The following PPFIA1 variants were observed in gnomAD, a reference collection of about 807,000 sequenced individuals.
The protein encoded by PPFIA1 is liprin-alpha-1.
In PPFIA1, 25 loss-of-function variants were observed where a neutral mutation model predicts 149.9. That is an observed-to-expected ratio of 0.17 (90% confidence interval 0.12 to 0.23). The LOEUF (loss-of-function observed/expected upper bound fraction) is 0.23, where lower values mean the gene tolerates loss of function less well. PPFIA1 is among the 10% of genes least tolerant of loss of function. PPFIA1 has a pLI of 1.00. For synonymous variants in PPFIA1, 549 were observed against 552.8 expected (o/e 0.99, Z 0.10); for missense variants, 1,362 against 1,506.5 (o/e 0.90, Z 1.59).
chr11:70,339,458 G>C (rs1591272225), intron 14 of PPFIA1, 152 bp downstream of exon 14: 1 of 1,030,674 alleles, frequency 9.7e-7, no homozygotes, highest in East Asian at 2.6e-5. Flanking sequence ...TTAGCTTTTA[G>C]AGCATTTTTT....
intron 2 of PPFIA1, among the ~76,000 whole-genome samples, chr11:70,312,550 A>C (rs1255708151): frequency 1.3e-5 from 2 of 152,308 alleles, no homozygotes; most frequent in East Asian, 3.9e-4. Context: ...GTGTTGATTC[A>C]GCAAGGTGAG....
At chr11:70,315,678 GTTTTTTTTTTTTTTT>G (rs71049904) in intron 2 of PPFIA1, among the ~76,000 whole-genome samples, 5 of 73,016 alleles carry the variant, frequency 6.8e-5, no homozygotes, top group South Asian at 1.2e-3. Context: ...CTTTTTTTCT[GTTTTTTTTTTTTTTT>G]TTTTTTTTTT....
chr11:70,278,350 A>C (rs2050544374), intron 2 of PPFIA1, among the ~76,000 whole-genome samples: 1 of 152,088 alleles, frequency 6.6e-6, no homozygotes, highest in African/African-American at 2.4e-5. Flanking sequence ...TTCAGTTTTG[A>C]AGGATGATTT....
chr11:70,359,995 T>C (rs2056554599), intron 19 of PPFIA1, among the ~76,000 whole-genome samples: 1 of 152,142 alleles, frequency 6.6e-6, no homozygotes, highest in Non-Finnish European at 1.5e-5. Context: ...CCACCTGGAG[T>C]GCCAGCCCAG....
At chr11:70,380,249 G>A (rs1040763344) in intron 26 of PPFIA1, among the ~76,000 whole-genome samples, 1 of 149,090 alleles carries the variant, frequency 6.7e-6, no homozygotes, top group African/African-American at 2.5e-5. Flanking sequence ...TGGCCAACGT[G>A]GTGAAACCCT....
intron 7 of PPFIA1, 74 bp downstream of exon 7, chr11:70,326,892 T>C (rs2054328403): frequency 1.7e-6 from 2 of 1,189,836 alleles, no homozygotes; most frequent in African/African-American, 1.5e-5. Flanking sequence ...TGATTTTTTT[T>C]CTCTGTTTGT....
chr11:70,365,466 C>G (rs1293670453), intron 21 of PPFIA1: 1 of 456,620 alleles, frequency 2.2e-6, no homozygotes, highest in East Asian at 6.9e-5. Flanking sequence ...TGCACTCCTC[C>G]CAGCGCGTTT....
At chr11:70,354,503 T>C in intron 17 of PPFIA1, 51 bp downstream of exon 17, 1 of 1,536,320 alleles carries the variant, frequency 6.5e-7, no homozygotes, top group Non-Finnish European at 8.8e-7. Flanking sequence ...TTTTCGTTTC[T>C]GGTGTTGAGA....
At chr11:70,314,396 T>C (rs2053470143) in intron 2 of PPFIA1, among the ~76,000 whole-genome samples, 1 of 152,210 alleles carries the variant, frequency 6.6e-6, no homozygotes, top group South Asian at 2.1e-4. Context: ...TACGTGTCCA[T>C]GTGGACACCG....
At chr11:70,332,229 T>C in intron 9 of PPFIA1, 135 bp downstream of exon 9, 1 of 1,106,072 alleles carries the variant, frequency 9.0e-7, no homozygotes, top group Non-Finnish European at 1.2e-6. Flanking sequence ...TTGAGTGCTC[T>C]TTCATCTGAG....
chr11:70,378,778 CAGAG>C (rs2057589440), intron 26 of PPFIA1, among the ~76,000 whole-genome samples: 1 of 152,202 alleles, frequency 6.6e-6, no homozygotes, highest in Non-Finnish European at 1.5e-5. Context: ...CTATACCAGC[CAGAG>C]AGAGAGCATC....
chr11:70,272,858 GA>G lies in PPFIA1; in HGVS notation c.264+432del, dbSNP rs538868998. On this transcript the variant is annotated intron_variant, in intron 2 of 27. Coordinates refer to ENST00000253925, the MANE Select transcript of PPFIA1 (RefSeq NM_003626.5). ...ATAGACAAATAGGATTGATTTCACG[GA>G]AAAAAAAAATTATTTTGATAGCCCA... Among the ~76,000 whole-genome samples the G allele has an allele frequency of 8.8e-3, 1,326 of 150,976 alleles. 11 individuals carry two copies. Among genetic ancestry groups the G allele is most frequent in the Non-Finnish European group, 9.7e-3 (658 of 67,602 alleles).
chr11:70,315,973 A>G (rs1378213876), intron 2 of PPFIA1, among the ~76,000 whole-genome samples: 2 of 152,016 alleles, frequency 1.3e-5, no homozygotes, highest in African/African-American at 4.8e-5. Flanking sequence ...GGAATTCTAC[A>G]GTGTTTTGTC....
intron 19 of PPFIA1, among the ~76,000 whole-genome samples, chr11:70,361,324 C>T (rs554817896): frequency 6.6e-6 from 1 of 152,302 alleles, no homozygotes; most frequent in South Asian, 2.1e-4. Flanking sequence ...CATGGTATTT[C>T]CGTATCACGT....
chr11:70,296,201 G>A (rs369111126), intron 2 of PPFIA1, among the ~76,000 whole-genome samples: 3 of 151,820 alleles, frequency 2.0e-5, no homozygotes, highest in East Asian at 3.9e-4. Context: ...TTCCAGACTC[G>A]GCAGCCAGGC....
rs1484534281 is a variant in PPFIA1 at position 70,330,238 on chromosome 11, A to G, written c.996A>G (p.Ala332=). The part of the protein sequence containing the change: ...ITTLEKRYLA[A]QREATSVHDL... ...CTCTTGAAAAACGCTACCTCGCTGC[A>G]CAGCGTGAAGCCACATCTGTGCATG... is the stretch of plus-strand genomic sequence containing the variant. Residue 332 remains alanine (A), a synonymous_variant, in exon 8 of 28, where the codon GCA becomes GCG. Coordinates refer to ENST00000253925, the MANE Select transcript of PPFIA1 (RefSeq NM_003626.5). 6.2e-7 allele frequency: 1 copy of G among 1,603,892 alleles called. No homozygotes were observed. The highest frequency in any genetic ancestry group is 8.5e-7 in the Non-Finnish European group (1 of 1,176,444).
At chr11:70,376,447 C>A in intron 24 of PPFIA1, 85 bp from the exon 25 acceptor site, 1 of 1,357,450 alleles carries the variant, frequency 7.4e-7, no homozygotes, top group Non-Finnish European at 1.1e-6. Context: ...GAGTTTAAGT[C>A]TTGGTTTAAA....
chr11:70,344,456 C>T (rs963737782), intron 15 of PPFIA1, among the ~76,000 whole-genome samples: 24 of 152,178 alleles, frequency 1.6e-4, no homozygotes, highest in Admixed American at 1.3e-3. Flanking sequence ...TGGTGGGAAG[C>T]GGGAGGAAGG....
At chr11:70,281,481 A>T (rs939375854) in intron 2 of PPFIA1, among the ~76,000 whole-genome samples, 7 of 152,120 alleles carry the variant, frequency 4.6e-5, no homozygotes, top group Non-Finnish European at 7.3e-5. Context: ...TAACGCCATG[A>T]GACTACTGAA....
Sources: allele counts gnomAD v4.1 joint callset (sites outside exome capture counted in the v4.1 genomes callset), GRCh38; gene constraint gnomAD v4.1.1; transcripts MANE v1.5; gene names NCBI Gene and HGNC (gene_info 2026-07-23, HGNC 2026-07-21).